FMN1: variants seen among roughly 807,000 people sequenced by gnomAD.
FMN1 encodes formin 1.
A neutral mutation model predicts 132.4 loss-of-function variants in FMN1; 110 were observed. That is an observed-to-expected ratio of 0.83 (90% CI 0.71 to 0.97). The LOEUF (loss-of-function observed/expected upper bound fraction) is 0.97. Among genes scored for constraint, FMN1 ranks in the 50% least tolerant of loss-of-function variants. FMN1 has a pLI of 0.00. For missense variants in FMN1, 1,792 were observed against 1,705.3 expected (o/e 1.05, Z -0.90); for synonymous variants, 722 against 651.7 (o/e 1.11, Z -1.64).
chr15:33,013,824 T>C (rs1403086523), intron 6 of FMN1, among the ~76,000 whole-genome samples: 1 of 152,246 alleles, frequency 6.6e-6, no homozygotes, highest in Non-Finnish European at 1.5e-5. Flanking sequence ...TAAACCAAGC[T>C]TCTTGTGAAA....
At chr15:33,042,025 G>A (rs2036463654) in intron 6 of FMN1, among the ~76,000 whole-genome samples, 1 of 142,066 alleles carries the variant, frequency 7.0e-6, no homozygotes, top group African/African-American at 2.5e-5. Flanking sequence ...AAATTGTCAT[G>A]ATGTCTACCT....
chr15:33,154,501 G>A lies in FMN1; in HGVS notation c.414C>T (p.Asp138=). 1 of 1,531,164 alleles carries A rather than the reference G, an allele frequency of 6.5e-7. No homozygotes were observed. The allele number at this position is 1,531,164 out of a possible 1,614,324, so 94.8% of individuals were successfully genotyped here. Residue 138 remains aspartate (D), a synonymous_variant, in exon 4 of 21, where the codon GAC becomes GAT. Coordinates refer to ENST00000616417, the MANE Select transcript of FMN1 (RefSeq NM_001277313.2). ...PEDDCFQSAG[D]WQGELPVGPL... is the part of the protein sequence containing the mutation. The stretch of plus-strand genomic sequence containing the variant: ...GGCCCACGGGGAGCTCTCCCTGCCA[G>A]TCACCAGCACTCTGGAAACAGTCAT...
intron 4 of FMN1, among the ~76,000 whole-genome samples, chr15:33,108,155 C>T (rs997652255): frequency 1.3e-5 from 2 of 151,996 alleles, no homozygotes; most frequent in Non-Finnish European, 2.9e-5. Context: ...CATGTTTTTA[C>T]CATCCTTTGA....
chr15:33,087,115 A>C (rs955776418), intron 5 of FMN1, among the ~76,000 whole-genome samples: 1 of 152,258 alleles, frequency 6.6e-6, no homozygotes, highest in Non-Finnish European at 1.5e-5. Context: ...CTGGATGGGT[A>C]AAGAGGGATT....
chr15:32,819,255 G>A (rs2058141768), intron 17 of FMN1, among the ~76,000 whole-genome samples: 1 of 152,120 alleles, frequency 6.6e-6, no homozygotes, highest in Non-Finnish European at 1.5e-5. Flanking sequence ...GTGGACATAC[G>A]GCTCTCTTAT....
chr15:32,905,918 C>T (rs1370872953), intron 12 of FMN1, among the ~76,000 whole-genome samples: 1 of 152,142 alleles, frequency 6.6e-6, no homozygotes, highest in East Asian at 1.9e-4. Flanking sequence ...CCTCACCCTC[C>T]CGCAACTGAG....
intron 19 of FMN1, among the ~76,000 whole-genome samples, chr15:32,785,135 G>GGGGTGTGTGTGTGTGTGTATACGTAC: frequency 7.3e-6 from 1 of 137,790 alleles, no homozygotes; most frequent in African/African-American, 2.7e-5. Context: ...TGATGCTAGG[G>GGGGTGTGTGTGTGTGTGTATACGTAC]GTGTGTGTGT....
chr15:32,952,560 A>G (rs772567493), intron 9 of FMN1, among the ~76,000 whole-genome samples: 4 of 152,220 alleles, frequency 2.6e-5, no homozygotes, highest in Non-Finnish European at 4.4e-5. Flanking sequence ...GTTTGAAAAC[A>G]AAGTTTAAAG....
intron 4 of FMN1, among the ~76,000 whole-genome samples, chr15:33,128,424 T>C (rs1339789746): frequency 6.6e-6 from 1 of 152,182 alleles, no homozygotes; most frequent in African/African-American, 2.4e-5. Flanking sequence ...AAATCATTCT[T>C]TCTACCTCCT....
At position 33,121,366 on chromosome 15, in the gene FMN1, A is replaced by G. The variant is rs908952532; in HGVS notation, c.1867+31682T>C. On this transcript the variant is annotated intron_variant, in intron 4 of 20. Transcript: ENST00000616417. ...AGGGTCACATTCAATGCCAGTGTCA[A>G]TATTGTTTACAATGTTCTGGACTGT... Among the ~76,000 whole-genome samples the G allele has an allele frequency of 1.5e-4, 23 of 152,198 alleles. 1 individual carries two copies. Among genetic ancestry groups the G allele is most frequent in the African/African-American group, 5.1e-4 (21 of 41,442 alleles).
chr15:33,024,157 C>T (rs957731224), intron 6 of FMN1, among the ~76,000 whole-genome samples: 6 of 148,676 alleles, frequency 4.0e-5, no homozygotes, highest in African/African-American at 1.2e-4. Flanking sequence ...CAAAAAGACA[C>T]AATCTCACTT....
chr15:32,867,233 C>A (rs189936130), intron 16 of FMN1, among the ~76,000 whole-genome samples: 125 of 152,288 alleles, frequency 8.2e-4, no homozygotes, highest in African/African-American at 2.7e-3. Context: ...TTATGCCAGT[C>A]CCCTGCTTAA....
chr15:33,030,248 A>G (rs879357666), intron 6 of FMN1, among the ~76,000 whole-genome samples: 1 of 152,244 alleles, frequency 6.6e-6, no homozygotes, highest in Admixed American at 6.5e-5. Context: ...TGAAATGGAA[A>G]AGAATCACCA....
intron 7 of FMN1, among the ~76,000 whole-genome samples, chr15:32,975,298 A>G (rs1421986214): frequency 6.6e-6 from 1 of 152,204 alleles, no homozygotes; most frequent in African/African-American, 2.4e-5. Flanking sequence ...CAATTTAATC[A>G]TATTTGAACC....
chr15:33,042,090 C>G (rs921447454), intron 6 of FMN1, among the ~76,000 whole-genome samples: 5 of 151,768 alleles, frequency 3.3e-5, no homozygotes, highest in Non-Finnish European at 7.4e-5. Context: ...AGCATAAAGT[C>G]AGAATTAATA....
Position 33,155,022 on chromosome 15 carries a change from A to C in FMN1, c.-108T>G, listed in dbSNP as rs1462688606. 1 of 827,778 alleles carries C rather than the reference A, an allele frequency of 1.2e-6. No individual in the cohort carries two copies. The highest frequency in any genetic ancestry group is 2.7e-5 in the East Asian group (1 of 37,490). 51.3% of individuals were successfully genotyped at this position (827,778 alleles called of 1,614,324 possible). A position where few individuals can be genotyped will look rare whatever the true frequency, so the allele number is the denominator to read the frequency against. ...TGGCTATGCAGAGAAAGCAGCTGACAGTCATCTCCAGCAATGAGACTGCCT... is the reference window on the plus strand; with the variant it reads ...TGGCTATGCAGAGAAAGCAGCTGACCGTCATCTCCAGCAATGAGACTGCCT... On this transcript the variant is annotated 5_prime_UTR_variant, in exon 4 of 21. Coordinates refer to ENST00000616417, the MANE Select transcript of FMN1 (RefSeq NM_001277313.2).
At chr15:33,171,928 G>C (rs947320399) in intron 3 of FMN1, among the ~76,000 whole-genome samples, 1 of 152,138 alleles carries the variant, frequency 6.6e-6, no homozygotes, top group African/African-American at 2.4e-5. Context: ...ATGTGTTTTT[G>C]GCCGGGCGCG....
rs11072264 is a variant in FMN1, at chr15:33,150,795, A to T, written c.1867+2253T>A. ...AAAAATACCTAGATGTTATTTCCAC[A>T]GGAAATAAATGTCCACAGACCATAA... On this transcript the variant is annotated intron_variant, in intron 4 of 20. Transcript: ENST00000616417. 60,447 of 985,668 alleles carry T rather than the reference A, an allele frequency of 0.061. 1,918 individuals are homozygous for T. The highest frequency in any genetic ancestry group is 0.065 in the Non-Finnish European group (54,065 of 829,958). 61.1% of individuals were successfully genotyped at this position (985,668 alleles called of 1,614,324 possible).
chr15:33,084,139 C>T (rs1315097643), intron 5 of FMN1, among the ~76,000 whole-genome samples: 2 of 152,226 alleles, frequency 1.3e-5, no homozygotes, highest in Non-Finnish European at 2.9e-5. Flanking sequence ...AAGCAGCCCA[C>T]ACCACTGTGC....
Sources: gnomAD v4.1 joint callset for allele counts (sites outside exome capture counted in the v4.1 genomes callset) on GRCh38, gnomAD v4.1.1 for gene constraint, MANE v1.5 for transcripts, NCBI Gene and HGNC (gene_info 2026-07-23, HGNC 2026-07-21) for gene names.